Variants in LRRIQ1 observed in about 807,000 individuals in gnomAD.
LRRIQ1 encodes leucine-rich repeat- and IQ domain-containing protein 1.
In LRRIQ1, 210 loss-of-function variants were observed where a neutral mutation model predicts 211.9. That is an observed-to-expected ratio of 0.99 (90% CI 0.89 to 1.11). The LOEUF (loss-of-function observed/expected upper bound fraction) is 1.11. Among genes scored for constraint, LRRIQ1 ranks in the 50% most tolerant of loss-of-function variants. The pLI, the probability that LRRIQ1 is intolerant of heterozygous loss-of-function variation, is 0.00. For missense variants in LRRIQ1, 2,136 were observed against 1,939.5 expected (o/e 1.10, Z -1.90); for synonymous variants, 699 against 650.1 (o/e 1.08, Z -1.14).
Position 85,124,391 on chromosome 12 carries a change from A to G in LRRIQ1, c.3879A>G (p.Ile1293Met). Reference sequence around the variant, plus strand: ...ATATGGAAGGAAGACATCAGGAAATATTAGTATGTCAGAAGAGAGAAGACA... The same window carrying G: ...ATATGGAAGGAAGACATCAGGAAATGTTAGTATGTCAGAAGAGAGAAGACA... ...CENMEGRHQEILVCQKREDSK... is the reference protein window; with the variant it reads ...CENMEGRHQEMLVCQKREDSK... Residue 1293 changes from isoleucine to methionine, a missense_variant, in exon 17 of 27, where the codon ATA (isoleucine) becomes ATG (methionine). Coordinates refer to ENST00000393217, the MANE Select transcript of LRRIQ1 (RefSeq NM_001079910.2). The G allele has an allele frequency of 6.2e-7, 1 of 1,614,112 alleles. No individual in the cohort carries two copies. The highest frequency in any genetic ancestry group is 8.5e-7 in the Non-Finnish European group (1 of 1,180,018).
At chr12:85,055,454 T>C in intron 7 of LRRIQ1, 93 bp from the exon 8 acceptor site, 2 of 1,010,584 alleles carry the variant, frequency 2.0e-6, no homozygotes, top group East Asian at 3.1e-5. Context: ...ACTTCAGTTT[T>C]AGTATTTGTT....
At chr12:85,210,965 A>G (rs1422353622) in intron 24 of LRRIQ1, among the ~76,000 whole-genome samples, 2 of 152,196 alleles carry the variant, frequency 1.3e-5, no homozygotes, top group Non-Finnish European at 2.9e-5. Context: ...TATAACACAA[A>G]CCAACCATGT....
chr12:85,239,066 T>G (rs544468161), intron 26 of LRRIQ1, among the ~76,000 whole-genome samples: 1 of 152,222 alleles, frequency 6.6e-6, no homozygotes, highest in Admixed American at 6.6e-5. Flanking sequence ...GTGCAAGCCC[T>G]CTACACTCAT....
At chr12:85,234,197 A>T (rs978686749) in intron 26 of LRRIQ1, among the ~76,000 whole-genome samples, 2 of 152,134 alleles carry the variant, frequency 1.3e-5, no homozygotes. Context: ...AGATTGCACA[A>T]CTGTACTCCA....
chr12:85,127,059 T>A, intron 17 of LRRIQ1, among the ~76,000 whole-genome samples: 1 of 152,162 alleles, frequency 6.6e-6, no homozygotes, highest in East Asian at 1.9e-4. Flanking sequence ...GTCAGCACTT[T>A]GACTACACTC....
intron 13 of LRRIQ1, 84 bp from the exon 14 acceptor site, chr12:85,103,920 A>C (rs960238501): frequency 1.3e-4 from 70 of 557,118 alleles, no homozygotes; most frequent in Non-Finnish European, 1.9e-4. Flanking sequence ...TGTATTATAA[A>C]AATGTATTGT....
chr12:85,209,605 T>G (rs1893736762), intron 24 of LRRIQ1, among the ~76,000 whole-genome samples: 1 of 152,160 alleles, frequency 6.6e-6, no homozygotes, highest in South Asian at 2.1e-4. Flanking sequence ...CTAAAGTTGA[T>G]TTTTCTACCC....
intron 24 of LRRIQ1, among the ~76,000 whole-genome samples, chr12:85,188,976 C>G (rs1892359694): frequency 6.6e-6 from 1 of 152,114 alleles, no homozygotes; most frequent in African/African-American, 2.4e-5. Context: ...TCCAATTCAG[C>G]AAACTTCATT....
intron 24 of LRRIQ1, among the ~76,000 whole-genome samples, chr12:85,161,923 C>G (rs1031417492): frequency 1.3e-5 from 2 of 151,914 alleles, no homozygotes; most frequent in Non-Finnish European, 2.9e-5. Context: ...TCCTGTAGTC[C>G]CAGCTACTCG....
chr12:85,122,332 G>A, intron 16 of LRRIQ1, among the ~76,000 whole-genome samples: 1 of 151,978 alleles, frequency 6.6e-6, no homozygotes, highest in East Asian at 1.9e-4. Context: ...TACGTATCAA[G>A]GTATCATGGG....
At chr12:85,175,336 T>A (rs1220516325) in intron 24 of LRRIQ1, among the ~76,000 whole-genome samples, 3 of 152,102 alleles carry the variant, frequency 2.0e-5, no homozygotes, top group African/African-American at 7.2e-5. Flanking sequence ...GAGAACACCA[T>A]GAGCAGTCCT....
In LRRIQ1 at chr12:85,257,087, T is replaced by C. The variant is rs1386793513; in HGVS notation, c.122-5828T>C. Among the ~76,000 whole-genome samples, 7 of 93,886 alleles carry C rather than the reference T, an allele frequency of 7.5e-5. No individual in the cohort carries two copies. The Admixed American group carries it at 9.7e-4, about 13-fold the overall frequency. The allele number at this position is 93,886 out of a possible 152,430, so 61.6% of individuals were successfully genotyped here. ...ATAATTATATAAATATATATAATTATATTATATAATTATATAAATATATAT... is the reference window on the plus strand; with the variant it reads ...ATAATTATATAAATATATATAATTACATTATATAATTATATAAATATATAT... On this transcript the variant is annotated intron_variant, in intron 1 of 1. Transcript: ENST00000602731.
chr12:85,197,885 CAT>C (rs1268628737), intron 24 of LRRIQ1, among the ~76,000 whole-genome samples: 3 of 119,486 alleles, frequency 2.5e-5, no homozygotes, highest in Non-Finnish European at 3.3e-5. Context: ...TTTAATAAAA[CAT>C]AATAAAAATA....
intron 3 of LRRIQ1, among the ~76,000 whole-genome samples, chr12:85,044,156 T>C (rs76956197): frequency 6.6e-6 from 1 of 152,032 alleles, no homozygotes; most frequent in Non-Finnish European, 1.5e-5. Flanking sequence ...AAAGTTAGTT[T>C]GCTATTAGGA....
the LRRIQ1 span, among the ~76,000 whole-genome samples, chr12:85,272,584 CT>C: frequency 1.9e-4 from 28 of 148,334 alleles, no homozygotes; most frequent in South Asian, 1.1e-3. Flanking sequence ...TCTTTAAAGC[CT>C]TTTTTTTTTC....
At chr12:85,267,164 C>T (rs962375967), downstream of LRRIQ1, among the ~76,000 whole-genome samples, 13 of 151,926 alleles carry the variant, frequency 8.6e-5, no homozygotes, top group African/African-American at 3.1e-4. Context: ...TTTTATGACC[C>T]CCAAAGGATA....
chr12:85,231,423 A>C (rs938643608), intron 25 of LRRIQ1, among the ~76,000 whole-genome samples: 7 of 152,212 alleles, frequency 4.6e-5, no homozygotes, highest in African/African-American at 1.7e-4. Flanking sequence ...AATTAATGTA[A>C]GCACAATTTA....
At chr12:85,263,088 G>A in exon 2 of LRRIQ1, 2 of 987,174 alleles carry the variant, frequency 2.0e-6, no homozygotes, top group Non-Finnish European at 2.4e-6. Flanking sequence ...TTCAAAACAT[G>A]TGGCAAACTG....
chr12:85,182,409 A>T (rs1425279382), intron 24 of LRRIQ1, among the ~76,000 whole-genome samples: 1 of 152,146 alleles, frequency 6.6e-6, no homozygotes, highest in Admixed American at 6.6e-5. Flanking sequence ...AACTAAAATT[A>T]TGTGTGCCAA....
Sources: allele counts gnomAD v4.1 joint callset (sites outside exome capture counted in the v4.1 genomes callset), GRCh38; gene constraint gnomAD v4.1.1; transcripts MANE v1.5; gene names NCBI Gene and HGNC (gene_info 2026-07-23, HGNC 2026-07-21).